The following HSD17B11 variants were observed in gnomAD, a reference collection of about 807,000 sequenced individuals.
HSD17B11 encodes the protein estradiol 17-beta-dehydrogenase 11.
Under a neutral mutation model 27.8 loss-of-function variants are expected in HSD17B11, and 22 were observed. The observed-to-expected ratio is 0.79, with a 90% CI of 0.56 to 1.13. The LOEUF is 1.13. HSD17B11 is among the 50% of genes most tolerant of loss of function. The pLI is 0.00. For synonymous variants in HSD17B11, 117 were observed against 132.8 expected (o/e 0.88, Z 0.82); for missense variants, 314 against 351.1 (o/e 0.89, Z 0.84).
At chr4:87,344,806 G>A (rs1222137684) in intron 5 of HSD17B11, among the ~76,000 whole-genome samples, 2 of 152,122 alleles carry the variant, frequency 1.3e-5, no homozygotes, top group Non-Finnish European at 2.9e-5. Flanking sequence ...TATGTTCTCT[G>A]ACTACAATGG....
chr4:87,366,300 C>A (rs143744349), intron 4 of HSD17B11, among the ~76,000 whole-genome samples: 1 of 151,996 alleles, frequency 6.6e-6, no homozygotes, highest in Non-Finnish European at 1.5e-5. Context: ...GACTTATCTG[C>A]GCTTTCACAA....
rs866076873 is a variant in HSD17B11, at chr4:87,347,120, T to C, written c.696-6514A>G. ...TATTCTGGATTTTTTTTTTTTCTTT[T>C]TTTTTTTTTTTTTTTTATTATACTC... On this transcript the variant is annotated intron_variant, in intron 5 of 6. Transcript: ENST00000358290. Among the ~76,000 whole-genome samples the C allele has an allele frequency of 4.5e-4, 38 of 84,496 alleles. 1 individual carries two copies. The highest frequency in any genetic ancestry group is 9.1e-3 in the Middle Eastern group (2 of 220). 55.4% of individuals were successfully genotyped at this position (84,496 alleles called of 152,430 possible).
At chr4:87,360,181 C>G (rs1404506042) in intron 4 of HSD17B11, among the ~76,000 whole-genome samples, 2 of 151,536 alleles carry the variant, frequency 1.3e-5, no homozygotes, top group African/African-American at 4.9e-5. Context: ...ATAATTGAAT[C>G]TAGCAATCTT....
chr4:87,359,566 G>A (rs895215271), intron 4 of HSD17B11, among the ~76,000 whole-genome samples: 2 of 152,128 alleles, frequency 1.3e-5, no homozygotes, highest in African/African-American at 2.4e-5. Flanking sequence ...GTCTCGCTAC[G>A]TTGCATAGGC....
At chr4:87,385,061 A>G (rs1720272623) in intron 1 of HSD17B11, among the ~76,000 whole-genome samples, 1 of 152,248 alleles carries the variant, frequency 6.6e-6, no homozygotes, top group South Asian at 2.1e-4. Flanking sequence ...GGTTCCCACA[A>G]TATTTTTCTT....
chr4:87,343,688 C>T (rs1735215996), intron 5 of HSD17B11, among the ~76,000 whole-genome samples: 1 of 151,952 alleles, frequency 6.6e-6, no homozygotes, highest in South Asian at 2.1e-4. Context: ...GCTGGGATTA[C>T]AGGCATGTGC....
At chr4:87,354,651 T>TAA (rs1261900953) in intron 5 of HSD17B11, among the ~76,000 whole-genome samples, 2 of 138,870 alleles carry the variant, frequency 1.4e-5, no homozygotes, top group African/African-American at 6.0e-5. Context: ...TCAAAAAAAA[T>TAA]AAAAAAAATA....
In HSD17B11 at chr4:87,376,503, C is replaced by CAA. The variant is rs70957230; in HGVS notation, c.319-1675_319-1674dup. Among the ~76,000 whole-genome samples, 454 of 62,822 alleles carry CAA rather than the reference C, an allele frequency of 7.2e-3. 8 individuals are homozygous for CAA. The highest frequency in any genetic ancestry group is 7.8e-3 in the African/African-American group (162 of 20,682). 41.2% of individuals were successfully genotyped at this position (62,822 alleles called of 152,430 possible). A position where few individuals can be genotyped will look rare whatever the true frequency, so the allele number is the denominator to read the frequency against. On this transcript the variant is annotated intron_variant, in intron 2 of 6. Coordinates refer to ENST00000358290, the MANE Select transcript of HSD17B11 (RefSeq NM_016245.5). ...CTGGGTGACAGACGAGATTTCATCTCAAAAAAAAAAAAAAAAAAACCCAAA... is the reference window on the plus strand; with the variant it reads ...CTGGGTGACAGACGAGATTTCATCTCAAAAAAAAAAAAAAAAAAAAACCCAAA...
At chr4:87,383,791 T>G (rs1720234353) in intron 1 of HSD17B11, among the ~76,000 whole-genome samples, 1 of 151,982 alleles carries the variant, frequency 6.6e-6, no homozygotes, top group South Asian at 2.1e-4. Context: ...AAAGATATTT[T>G]GGATGAAGAT....
intron 1 of HSD17B11, among the ~76,000 whole-genome samples, chr4:87,382,830 G>T (rs2110132730): frequency 1.3e-5 from 2 of 152,220 alleles, no homozygotes; most frequent in South Asian, 4.2e-4. Flanking sequence ...TATTCACTGA[G>T]CTTAGAAAAA....
At chr4:87,370,053 C>T (rs1735679459) in intron 4 of HSD17B11, among the ~76,000 whole-genome samples, 1 of 152,054 alleles carries the variant, frequency 6.6e-6, no homozygotes, top group Non-Finnish European at 1.5e-5. Flanking sequence ...AAATTTTTTT[C>T]CTAAGATAGG....
At chr4:87,378,929 A>ATAAATATATATATAAATATATATAAAT in intron 2 of HSD17B11, among the ~76,000 whole-genome samples, 1 of 7,284 alleles carries the variant, frequency 1.4e-4, no homozygotes, top group East Asian at 5.1e-3. Flanking sequence ...AATATATATA[A>ATAAATATATATATAAATATATATAAAT]ATATATATAT....
intron 2 of HSD17B11, among the ~76,000 whole-genome samples, chr4:87,379,646 T>C (rs2110130016): frequency 6.9e-6 from 1 of 145,502 alleles, no homozygotes; most frequent in East Asian, 2.0e-4. Context: ...ATATTATATG[T>C]ATATGTATGT....
chr4:87,374,841 T>A lies in HSD17B11; in HGVS notation c.319-11A>T. ...AATTTCTGCCTTCACCTTCAAAAAA[T>A]AAAATAAGAAAAGTAAATTCATTAA... On this transcript the variant is annotated splice_polypyrimidine_tract_variant and intron_variant, in intron 2 of 6. Coordinates refer to ENST00000358290, the MANE Select transcript of HSD17B11 (RefSeq NM_016245.5). The A allele has an allele frequency of 6.5e-7, 1 of 1,549,626 alleles. No individual in the cohort carries two copies.
rs142832455 is a variant in HSD17B11 at position 87,372,018 on chromosome 4, G to A, written c.557+691C>T. Among the ~76,000 whole-genome samples, 40 of 152,116 alleles carry A rather than the reference G, an allele frequency of 2.6e-4. 1 individual carries two copies. In the East Asian group the frequency reaches 6.6e-3, roughly 25 times the overall value. On this transcript the variant is annotated intron_variant, in intron 4 of 6. Transcript: ENST00000358290. ...AGCACTTTGGTAGGCCGAGGCGGGC[G>A]GATCACGAGGTCAGGAGATCGAGAC...
chr4:87,343,510 T>C (rs1052129662), intron 5 of HSD17B11, among the ~76,000 whole-genome samples: 1 of 151,932 alleles, frequency 6.6e-6, no homozygotes, highest in Non-Finnish European at 1.5e-5. Context: ...CTTTAACCAC[T>C]TAAGTAATGA....
chr4:87,368,166 A>C (rs903292777), intron 4 of HSD17B11, among the ~76,000 whole-genome samples: 1 of 152,016 alleles, frequency 6.6e-6, no homozygotes, highest in Non-Finnish European at 1.5e-5. Context: ...AAATACAAAA[A>C]ATTAGCCGGG....
chr4:87,375,932 T>C (rs1369186419), intron 2 of HSD17B11, among the ~76,000 whole-genome samples: 2 of 152,218 alleles, frequency 1.3e-5, no homozygotes, highest in Non-Finnish European at 2.9e-5. Context: ...ACCTTGAGTT[T>C]GGGCTCTGCC....
chr4:87,376,264 G>A (rs1228736165), intron 2 of HSD17B11, among the ~76,000 whole-genome samples: 1 of 151,978 alleles, frequency 6.6e-6, no homozygotes, highest in African/African-American at 2.4e-5. Context: ...CCAGCATTTG[G>A]GAGGCCAAGG....
Sources: allele counts gnomAD v4.1 joint callset (sites outside exome capture counted in the v4.1 genomes callset), GRCh38; gene constraint gnomAD v4.1.1; transcripts MANE v1.5; gene names NCBI Gene and HGNC (gene_info 2026-07-23, HGNC 2026-07-21).